The following SLC35G1 variants were observed in gnomAD, a reference collection of about 807,000 sequenced individuals.
SLC35G1 encodes solute carrier family 35 member G1, also known as partner of STIM1.
SLC35G1 carries 10 observed loss-of-function variants against 17.1 expected under a neutral mutation model. The ratio of observed to expected loss-of-function variants is 0.59; its 90% CI spans 0.36 to 0.99. SLC35G1 has a LOEUF of 0.99. SLC35G1 is among the 50% of genes least tolerant of loss of function. The probability of loss-of-function intolerance (pLI) is 0.01; values close to 1 mark genes in which losing one functional copy is unlikely to be tolerated. For missense variants in SLC35G1, 433 were observed against 468.4 expected (o/e 0.92, Z 0.70); for synonymous variants, 185 against 181.1 (o/e 1.02, Z -0.18).
At position 93,901,210 on chromosome 10, in the gene SLC35G1, TAGG is replaced by T; in HGVS notation, c.821_823del (p.Gly274del). On this transcript the variant is annotated inframe_deletion, in exon 3 of 3. Coordinates refer to ENST00000427197, the MANE Select transcript of SLC35G1 (RefSeq NM_001134658.3). ...GAAAGTGTCATCATCCTCTCTGTAT[TAGG>T]AGAGTGGAGTCTGCCTTACTGTGGG... 6.2e-7 allele frequency: 1 copy of T among 1,614,114 alleles called. No individual in the cohort carries two copies. Among genetic ancestry groups the T allele is most frequent in the East Asian group, 2.2e-5 (1 of 44,890 alleles).
chr10:93,901,706 T>A lies in SLC35G1; in HGVS notation c.*216T>A, dbSNP rs900151625. The A allele has an allele frequency of 1.3e-5, 6 of 451,854 alleles. No homozygotes were observed. The highest frequency in any genetic ancestry group is 2.1e-5 in the Non-Finnish European group (6 of 283,264). 28.0% of individuals were successfully genotyped at this position (451,854 alleles called of 1,614,324 possible). A position where few individuals can be genotyped will look rare whatever the true frequency, so the allele number is the denominator to read the frequency against. Reference sequence around the variant, plus strand: ...GTAGCTTTGGTTTTGGTTTTGGTTTTTTTTGTTGTTGTTGTTGGGGTCAAG... The same window carrying A: ...GTAGCTTTGGTTTTGGTTTTGGTTTATTTTGTTGTTGTTGTTGGGGTCAAG... On this transcript the variant is annotated 3_prime_UTR_variant, in exon 3 of 3. Coordinates refer to ENST00000427197, the MANE Select transcript of SLC35G1 (RefSeq NM_001134658.3).
In SLC35G1 at chr10:93,903,046, C is replaced by T. The variant is rs967863136; in HGVS notation, c.*1556C>T. On this transcript the variant is annotated 3_prime_UTR_variant, in exon 3 of 3. Coordinates refer to ENST00000427197, the MANE Select transcript of SLC35G1 (RefSeq NM_001134658.3). ...TGAAAGGTTATAGGCTCTTTCCTAC[C>T]CTCTCATCATAATTTTTCCAAAGCA... 2 of 151,944 alleles carry T rather than the reference C, an allele frequency of 1.3e-5. No individual in the cohort carries two copies. The highest frequency in any genetic ancestry group is 4.8e-5 in the African/African-American group (2 of 41,340). 9.4% of individuals were successfully genotyped at this position (151,944 alleles called of 1,614,324 possible). A position where few individuals can be genotyped will look rare whatever the true frequency, so the allele number is the denominator to read the frequency against.
At chr10:93,908,661 A>G (rs572376188), downstream of SLC35G1, 1 of 152,328 alleles carries the variant, frequency 6.6e-6, no homozygotes, top group Admixed American at 6.5e-5. Flanking sequence ...GTAGCCATAA[A>G]CAATCCTAGC....
In SLC35G1 at chr10:93,902,277, T is replaced by C. The variant is rs974010842; in HGVS notation, c.*787T>C. On this transcript the variant is annotated 3_prime_UTR_variant, in exon 3 of 3. Transcript: ENST00000427197. Reference sequence around the variant, plus strand: ...AAACTGCACTAAATTTTTCTTAACATTCCAAGATTTCAGATCTCTAAATCA... The same window carrying C: ...AAACTGCACTAAATTTTTCTTAACACTCCAAGATTTCAGATCTCTAAATCA... 4 of 152,640 alleles carry C rather than the reference T, an allele frequency of 2.6e-5. No homozygotes were observed. Among genetic ancestry groups the C allele is most frequent in the Non-Finnish European group, 5.9e-5 (4 of 68,028 alleles). 9.5% of individuals were successfully genotyped at this position (152,640 alleles called of 1,614,324 possible). A position where few individuals can be genotyped will look rare whatever the true frequency, so the allele number is the denominator to read the frequency against.
exon 3 of SLC35G1, chr10:93,909,321 T>C (rs2060445299): frequency 6.6e-6 from 1 of 152,062 alleles, no homozygotes; most frequent in Non-Finnish European, 1.5e-5. Flanking sequence ...AAGCCTGTGC[T>C]CCTGACTCCA....
intron 1 of SLC35G1, among the ~76,000 whole-genome samples, chr10:93,896,446 A>C (rs1447445240): frequency 6.6e-6 from 1 of 152,240 alleles, no homozygotes; most frequent in Non-Finnish European, 1.5e-5. Flanking sequence ...AATTTGAATA[A>C]TTTGAGTTAC....
chr10:93,906,805 C>A (rs1035415414), downstream of SLC35G1, among the ~76,000 whole-genome samples: 11 of 151,986 alleles, frequency 7.2e-5, no homozygotes, highest in Non-Finnish European at 1.3e-4. Context: ...TCCTCAGGAC[C>A]CTTTCAAAGT....
At chr10:93,895,039 C>T (rs1375969414) in intron 1 of SLC35G1, among the ~76,000 whole-genome samples, 1 of 152,192 alleles carries the variant, frequency 6.6e-6, no homozygotes, top group Non-Finnish European at 1.5e-5. Context: ...GCTTCAAGCA[C>T]ATTCCTCTTA....
rs189757028 is a variant in SLC35G1 at position 93,902,768 on chromosome 10, A to G, written c.*1278A>G. 3.3e-5 allele frequency: 5 copies of G among 152,762 alleles called. No homozygotes were observed. The highest frequency in any genetic ancestry group is 3.3e-4 in the Admixed American group (5 of 15,296). The allele number at this position is 152,762 out of a possible 1,614,324, so 9.5% of individuals were successfully genotyped here. ...GCATGATGTTAAATGTCAGTGCCAT[A>G]CCATGATGCAGCACCATGACACTAA... On this transcript the variant is annotated 3_prime_UTR_variant, in exon 3 of 3. Coordinates refer to ENST00000427197, the MANE Select transcript of SLC35G1 (RefSeq NM_001134658.3).
In SLC35G1 at chr10:93,898,642, G is replaced by C. The variant is rs549942619; in HGVS notation, c.250G>C (p.Val84Leu). The change falls in exon 2 of 3, where the codon GTG becomes CTG. Residue 84 changes from valine to leucine, a missense_variant. By Grantham distance (32) the Val-to-Leu change is conservative (BLOSUM62 1). Transcript: ENST00000427197. ...YTLLSAFLFS[V>L]GSLFVKKVQD... The stretch of plus-strand genomic sequence containing the variant: ...ATTATTGTCTGCCTTCCTTTTCTCA[G>C]TGGGCTCTTTATTTGTTAAAAAAGT... The C allele has an allele frequency of 3.1e-6, 5 of 1,613,894 alleles. No individual in the cohort carries two copies. The highest frequency in any genetic ancestry group is 2.7e-5 in the African/African-American group (2 of 74,998).
At chr10:93,909,247 C>T (rs935495663) in exon 3 of SLC35G1, 12 of 152,066 alleles carry the variant, frequency 7.9e-5, no homozygotes, top group African/African-American at 2.7e-4. Flanking sequence ...CATGACTTTT[C>T]GAAGATCACA....
intron 1 of SLC35G1, among the ~76,000 whole-genome samples, chr10:93,895,993 AT>A (rs113236737): frequency 2.2e-3 from 322 of 143,874 alleles, no homozygotes; most frequent in Middle Eastern, 3.5e-3. Context: ...TTGAGAATTA[AT>A]TTTTTTTTTT....
intron 1 of SLC35G1, among the ~76,000 whole-genome samples, chr10:93,897,002 A>G (rs982819794): frequency 2.0e-5 from 3 of 152,310 alleles, no homozygotes; most frequent in African/African-American, 7.2e-5. Flanking sequence ...ACCACAGCCA[A>G]GGCATGTATT....
At chr10:93,897,611 G>T (rs966218364) in intron 1 of SLC35G1, among the ~76,000 whole-genome samples, 1 of 152,200 alleles carries the variant, frequency 6.6e-6, no homozygotes, top group African/African-American at 2.4e-5. Context: ...TTTGCTCTCT[G>T]AATGACAGAG....
downstream of SLC35G1, among the ~76,000 whole-genome samples, chr10:93,906,764 G>GT (rs1284862203): frequency 6.6e-6 from 1 of 152,140 alleles, no homozygotes; most frequent in Non-Finnish European, 1.5e-5. Flanking sequence ...TAAACCAACT[G>GT]TTTTCAAAGT....
chr10:93,906,350 C>T (rs1321868156), downstream of SLC35G1: 1 of 152,254 alleles, frequency 6.6e-6, no homozygotes, highest in Non-Finnish European at 1.5e-5. Context: ...CCCATCTGCA[C>T]TACCAGCTGA....
exon 3 of SLC35G1, chr10:93,909,279 C>T (rs2060444926): frequency 6.6e-6 from 1 of 152,086 alleles, no homozygotes; most frequent in Non-Finnish European, 1.5e-5. Context: ...TGTCAAGAGT[C>T]TTATTCTCAA....
At chr10:93,894,891 T>C (rs2060315734) in intron 1 of SLC35G1, among the ~76,000 whole-genome samples, 1 of 152,090 alleles carries the variant, frequency 6.6e-6, no homozygotes, top group South Asian at 2.1e-4. Flanking sequence ...GTGAGGGCTT[T>C]TGGGTTTTCG....
In SLC35G1 at chr10:93,903,773, T is replaced by C; in HGVS notation, c.*2283T>C. On this transcript the variant is annotated 3_prime_UTR_variant, in exon 3 of 3. Coordinates refer to ENST00000427197, the MANE Select transcript of SLC35G1 (RefSeq NM_001134658.3). Reference sequence around the variant, plus strand: ...TTTCTATATCTTGAAAAGGAAAATATTTTCATAAATTGTTTTTATAAGTAC... The same window carrying C: ...TTTCTATATCTTGAAAAGGAAAATACTTTCATAAATTGTTTTTATAAGTAC... 1 of 152,316 alleles carries C rather than the reference T, an allele frequency of 6.6e-6. No homozygotes were observed. The highest frequency in any genetic ancestry group is 1.9e-4 in the East Asian group (1 of 5,186). The allele number at this position is 152,316 out of a possible 1,614,324, so 9.4% of individuals were successfully genotyped here. A position where few individuals can be genotyped will look rare whatever the true frequency, so the allele number is the denominator to read the frequency against.
Sources: allele counts gnomAD v4.1 joint callset (sites outside exome capture counted in the v4.1 genomes callset), GRCh38; gene constraint gnomAD v4.1.1; transcripts MANE v1.5; gene names NCBI Gene and HGNC (gene_info 2026-07-23, HGNC 2026-07-21).